Variants in EVI5 observed in about 807,000 individuals in gnomAD.
EVI5 encodes the protein ecotropic viral integration site 5 protein homolog.
EVI5 carries 73 observed loss-of-function variants against 112.0 expected under a neutral mutation model. That is an observed-to-expected ratio of 0.65 (90% confidence interval 0.54 to 0.79). The LOEUF is 0.79. EVI5 is among the 30% of genes least tolerant of loss of function. The pLI is 0.00. For missense variants in EVI5, 900 were observed against 968.8 expected, an observed-to-expected ratio of 0.93 and a Z score of 0.94; for synonymous variants, 305 against 319.9, an observed-to-expected ratio of 0.95 and a Z score of 0.50.
At chr1:92,788,511 A>AC (rs34151411), upstream of EVI5, among the ~76,000 whole-genome samples, 2 of 145,778 alleles carry the variant, frequency 1.4e-5, no homozygotes, top group African/African-American at 5.2e-5. Flanking sequence ...CAAAAAAAAA[A>AC]CTAGGCAGGA....
At chr1:92,668,232 T>G (rs1253845062) in intron 10 of EVI5, among the ~76,000 whole-genome samples, 1 of 152,188 alleles carries the variant, frequency 6.6e-6, no homozygotes, top group African/African-American at 2.4e-5. Flanking sequence ...AAAATTCAGA[T>G]GATCTGAAAT....
At chr1:92,777,948 G>A (rs895810992) in intron 1 of EVI5, among the ~76,000 whole-genome samples, 2 of 144,912 alleles carry the variant, frequency 1.4e-5, no homozygotes, top group African/African-American at 2.6e-5. Context: ...TCACTCTGTC[G>A]CCAGGCTGGA....
chr1:92,772,187 A>G lies in EVI5; in HGVS notation c.-82+12649T>C, dbSNP rs528751237. Among the ~76,000 whole-genome samples the G allele has an allele frequency of 2.5e-3, 378 of 152,182 alleles. 1 individual carries two copies. The highest frequency in any genetic ancestry group is 6.8e-3 in the Middle Eastern group (2 of 294). Reference sequence around the variant, plus strand: ...ACCAGAATAATCTTTCTAAAACTCAATTCTGATTTGTCACTCAACTAGATC... The same window carrying G: ...ACCAGAATAATCTTTCTAAAACTCAGTTCTGATTTGTCACTCAACTAGATC... On this transcript the variant is annotated intron_variant, in intron 1 of 19. Transcript: ENST00000684568.
chr1:92,702,297 A>G (rs10218670), intron 4 of EVI5, 82 bp from the exon 5 acceptor site: 607,603 of 664,334 alleles, frequency 0.91, 278,285 homozygotes, highest in East Asian at 0.98. Context: ...GGCAAGACAG[A>G]CAGATTAAAA....
At chr1:92,703,214 A>C (rs1671469228) in intron 4 of EVI5, among the ~76,000 whole-genome samples, 181 bp downstream of exon 4, 1 of 152,112 alleles carries the variant, frequency 6.6e-6, no homozygotes, top group Non-Finnish European at 1.5e-5. Context: ...ATGTTCTAAC[A>C]AGTTCTCTAT....
rs1655159433 is a variant in EVI5, at chr1:92,624,228, G to C, written c.1775C>G (p.Thr592Arg). The stretch of plus-strand genomic sequence containing the variant: ...TTTTATTTCTCTTATTTCTGCTTGT[G>C]TTTCAGCTTCTCTAAGTCGAATGGT... ...LMTIRLREAETQAEIREIKQR... is the reference protein window; with the variant it reads ...LMTIRLREAERQAEIREIKQR... Residue 592 changes from threonine to arginine, a missense_variant, in exon 16 of 20, where the codon ACA becomes AGA. Thr to Arg is a moderately conservative substitution (Grantham distance 71, BLOSUM62 -1). Coordinates refer to ENST00000684568, the MANE Select transcript of EVI5 (RefSeq NM_001350197.2). The C allele has an allele frequency of 6.2e-7, 1 of 1,613,360 alleles. No homozygotes were observed. The highest frequency in any genetic ancestry group is 8.5e-7 in the Non-Finnish European group (1 of 1,179,726).
chr1:92,716,122 T>C (rs1246762274), intron 2 of EVI5, among the ~76,000 whole-genome samples: 2 of 152,170 alleles, frequency 1.3e-5, no homozygotes, highest in Non-Finnish European at 2.9e-5. Context: ...TCTCCCATCA[T>C]GGTGTTTGAG....
At chr1:92,686,300 A>T (rs1384409322) in intron 9 of EVI5, among the ~76,000 whole-genome samples, 1 of 151,474 alleles carries the variant, frequency 6.6e-6, no homozygotes, top group East Asian at 1.9e-4. Flanking sequence ...CAAAAACCAC[A>T]TGATTATCTC....
chr1:92,539,007 A>G (rs1664338035), intron 19 of EVI5, among the ~76,000 whole-genome samples: 1 of 152,228 alleles, frequency 6.6e-6, no homozygotes, highest in African/African-American at 2.4e-5. Context: ...TCACTGAGGC[A>G]GTGGAGTAGT....
In EVI5 at chr1:92,767,698, C is replaced by T. The variant is rs149691277; in HGVS notation, c.-82+17138G>A. ...GTATGGCTCTGACAAGTTATTTAAGCTCTTTGAATCTTGGTTTCCTTGAAT... is the reference window on the plus strand; with the variant it reads ...GTATGGCTCTGACAAGTTATTTAAGTTCTTTGAATCTTGGTTTCCTTGAAT... On this transcript the variant is annotated intron_variant, in intron 1 of 19. Transcript: ENST00000684568. 1.4e-4 allele frequency among the ~76,000 whole-genome samples: 21 copies of T among 152,340 alleles called. 1 individual carries two copies. Among genetic ancestry groups the T allele is most frequent in the African/African-American group, 4.8e-4 (20 of 41,568 alleles).
chr1:92,699,351 C>T (rs1455690790), intron 5 of EVI5, among the ~76,000 whole-genome samples: 1 of 152,162 alleles, frequency 6.6e-6, no homozygotes, highest in Non-Finnish European at 1.5e-5. Flanking sequence ...ATCTTTTCCA[C>T]AGCATTTTCT....
At chr1:92,682,919 T>C (rs1006341699) in intron 9 of EVI5, among the ~76,000 whole-genome samples, 2 of 152,230 alleles carry the variant, frequency 1.3e-5, no homozygotes, top group Admixed American at 1.3e-4. Flanking sequence ...TTCTAAATTT[T>C]GTTTTATCTC....
At chr1:92,614,363 T>A (rs1652556596) in intron 16 of EVI5, among the ~76,000 whole-genome samples, 1 of 152,106 alleles carries the variant, frequency 6.6e-6, no homozygotes, top group Admixed American at 6.5e-5. Context: ...AGAACCAGCA[T>A]TACATATGGC....
intron 1 of EVI5, among the ~76,000 whole-genome samples, chr1:92,744,208 G>A (rs186899478): frequency 6.6e-6 from 1 of 152,296 alleles, no homozygotes; most frequent in East Asian, 1.9e-4. Flanking sequence ...TACAAGTTAA[G>A]ATGTGTTTTA....
chr1:92,775,915 T>C (rs1339722320), intron 1 of EVI5, among the ~76,000 whole-genome samples: 1 of 152,170 alleles, frequency 6.6e-6, no homozygotes, highest in Non-Finnish European at 1.5e-5. Context: ...AAGACCATCC[T>C]GGCTAACACG....
intron 16 of EVI5, among the ~76,000 whole-genome samples, chr1:92,618,864 T>C (rs972248541): frequency 2.0e-5 from 3 of 152,250 alleles, no homozygotes; most frequent in Non-Finnish European, 4.4e-5. Flanking sequence ...TATTTTATCA[T>C]GTGACATAAG....
chr1:92,624,191 C>A lies in EVI5; in HGVS notation c.1812G>T (p.Met604Ile). 6.2e-7 allele frequency: 1 copy of A among 1,613,502 alleles called. No homozygotes were observed. Among genetic ancestry groups the A allele is most frequent in the Non-Finnish European group, 8.5e-7 (1 of 1,179,668 alleles). Residue 604 changes from methionine to isoleucine, a missense_variant, in exon 16 of 20, where the codon ATG (methionine) becomes ATT (isoleucine). Physicochemically the swap from Met to Ile is conservative, Grantham distance 10. Transcript: ENST00000684568. ...CCCATCATACCTGTGTTTCCATTTCCATCATCCTTTGTTTTATTTCTCTTA... is the reference window on the plus strand; with the variant it reads ...CCCATCATACCTGTGTTTCCATTTCAATCATCCTTTGTTTTATTTCTCTTA... ...AEIREIKQRM[M>I]EMETQNQINS...
intron 5 of EVI5, among the ~76,000 whole-genome samples, chr1:92,698,767 A>G (rs534279447): frequency 6.6e-6 from 1 of 152,278 alleles, no homozygotes; most frequent in African/African-American, 2.4e-5. Flanking sequence ...ATCATATGAC[A>G]TGGTACAAGT....
intron 16 of EVI5, among the ~76,000 whole-genome samples, chr1:92,614,846 A>G (rs1193672461): frequency 1.7e-3 from 9 of 5,356 alleles, no homozygotes; most frequent in African/African-American, 8.1e-3. Flanking sequence ...TATTTTATAT[A>G]TATATATATA....
Sources: gnomAD v4.1 joint callset for allele counts (sites outside exome capture counted in the v4.1 genomes callset) on GRCh38, gnomAD v4.1.1 for gene constraint, MANE v1.5 for transcripts, NCBI Gene and HGNC (gene_info 2026-07-23, HGNC 2026-07-21) for gene names.